Variants in CCDC15 observed in about 807,000 individuals in gnomAD.
CCDC15 encodes the protein coiled-coil domain-containing protein 15.
In CCDC15, 105 loss-of-function variants were observed where a neutral mutation model predicts 114.5. The observed-to-expected ratio is 0.92, with a 90% CI of 0.78 to 1.08. The LOEUF (loss-of-function observed/expected upper bound fraction) is 1.08. Ranked by LOEUF, CCDC15 falls within the 50% of genes least tolerant of loss-of-function variation. CCDC15 has a pLI of 0.00. For missense variants in CCDC15, 1,105 were observed against 1,093.6 expected, an observed-to-expected ratio of 1.01 and a Z score of -0.15; for synonymous variants, 334 against 377.8, an observed-to-expected ratio of 0.88 and a Z score of 1.34.
Position 125,024,003 on chromosome 11 carries a change from T to C in CCDC15, c.2412-14428T>C, listed in dbSNP as rs373522689. On this transcript the variant is annotated intron_variant, in intron 13 of 15. Coordinates refer to ENST00000344762, the MANE Select transcript of CCDC15 (RefSeq NM_025004.3). ...TGACTGCTAATAAGTATAAGGTTTC[T>C]TTATGGCATAATAAAAATGTTCTCA... Among the ~76,000 whole-genome samples the C allele has an allele frequency of 1.2e-4, 18 of 152,124 alleles. No individual in the cohort carries two copies. In the East Asian group the frequency reaches 1.7e-3, roughly 15 times the overall value.
At chr11:124,993,490 A>C (rs1046511910) in intron 11 of CCDC15, among the ~76,000 whole-genome samples, 6 of 152,158 alleles carry the variant, frequency 3.9e-5, no homozygotes, top group Non-Finnish European at 2.9e-5. Context: ...TGAAGCTTTT[A>C]CCATTGCCAC....
In CCDC15 at chr11:124,987,114, T is replaced by G; in HGVS notation, c.901-13T>G. On this transcript the variant is annotated splice_polypyrimidine_tract_variant and intron_variant, in intron 7 of 15. Transcript: ENST00000344762. ...ACTCACATTCTGTATTTGGTGTTTATGTTCACTTTTAGAAAGTAAAATTCA... is the reference window on the plus strand; with the variant it reads ...ACTCACATTCTGTATTTGGTGTTTAGGTTCACTTTTAGAAAGTAAAATTCA... 2.7e-6 allele frequency: 4 copies of G among 1,494,036 alleles called. No homozygotes were observed. The highest frequency in any genetic ancestry group is 3.6e-6 in the Non-Finnish European group (4 of 1,123,446). The allele number at this position is 1,494,036 out of a possible 1,614,324, so 92.5% of individuals were successfully genotyped here. A position where few individuals can be genotyped will look rare whatever the true frequency, so the allele number is the denominator to read the frequency against.
intron 4 of CCDC15, among the ~76,000 whole-genome samples, chr11:124,972,122 C>A (rs1947894913): frequency 6.6e-6 from 1 of 152,010 alleles, no homozygotes; most frequent in Non-Finnish European, 1.5e-5. Context: ...ATTGATTTTT[C>A]ATTTGCTAGG....
At chr11:124,960,130 T>G in intron 4 of CCDC15, 127 bp downstream of exon 4, 1 of 505,594 alleles carries the variant, frequency 2.0e-6, no homozygotes, top group Non-Finnish European at 2.9e-6. Context: ...TTGATAATCA[T>G]CCCCCTTTTT....
Position 124,986,667 on chromosome 11 carries a change from C to CTGTGTG in CCDC15, c.754-57_754-52dup, listed in dbSNP as rs146292043. ...TTCTTCCTATAATAGCTACATGGTG[C>CTGTGTG]TGTGTGTGTGTGTGTGTGTGTGTTT... On this transcript the variant is annotated intron_variant, in intron 6 of 15. Coordinates refer to ENST00000344762, the MANE Select transcript of CCDC15 (RefSeq NM_025004.3). 3.3e-5 allele frequency: 36 copies of CTGTGTG among 1,089,970 alleles called. No homozygotes were observed. The African/African-American group carries it at 4.8e-4, about 14-fold the overall frequency. 67.5% of individuals were successfully genotyped at this position (1,089,970 alleles called of 1,614,324 possible).
chr11:125,036,794 T>G (rs1386938800), intron 13 of CCDC15, among the ~76,000 whole-genome samples: 1 of 152,160 alleles, frequency 6.6e-6, no homozygotes, highest in East Asian at 1.9e-4. Context: ...TTGCAGTTTT[T>G]AACTCCAGAA....
At position 124,955,622 on chromosome 11, in the gene CCDC15, G is replaced by A. The variant is rs114128515; in HGVS notation, c.177+713G>A. 4.8e-3 allele frequency among the ~76,000 whole-genome samples: 733 copies of A among 152,292 alleles called. 7 individuals are homozygous for A. The highest frequency in any genetic ancestry group is 0.016 in the African/African-American group (671 of 41,558). On this transcript the variant is annotated intron_variant, in intron 2 of 15. Coordinates refer to ENST00000344762, the MANE Select transcript of CCDC15 (RefSeq NM_025004.3). The stretch of plus-strand genomic sequence containing the variant: ...CTGCCTAATCAATATAGACACTCAT[G>A]AAGTATTTATGAAAGGCACAAAATG...
chr11:124,967,475 C>T (rs572277345), intron 4 of CCDC15, among the ~76,000 whole-genome samples: 1 of 152,310 alleles, frequency 6.6e-6, no homozygotes, highest in South Asian at 2.1e-4. Flanking sequence ...TGGTTTTCAG[C>T]TCCATCAGGT....
intron 13 of CCDC15, among the ~76,000 whole-genome samples, chr11:125,005,559 T>G (rs1948545782): frequency 6.6e-6 from 1 of 152,112 alleles, no homozygotes; most frequent in African/African-American, 2.4e-5. Flanking sequence ...ATTGACACAT[T>G]ATTATTACCC....
intron 2 of CCDC15, among the ~76,000 whole-genome samples, chr11:124,956,791 G>C (rs575876384): frequency 9.9e-5 from 15 of 152,158 alleles, no homozygotes; most frequent in Non-Finnish European, 1.9e-4. Flanking sequence ...TATAGCTTTA[G>C]CATATCTAGT....
In CCDC15 at chr11:124,987,214, C is replaced by T. The variant is rs1591591341; in HGVS notation, c.988C>T (p.Pro330Ser). Reference sequence around the variant, plus strand: ...TTTTGAGGGCCTTCAGGATATTCTGCCAGAAGCCCAGGATTATTTTCTAGA... The same window carrying T: ...TTTTGAGGGCCTTCAGGATATTCTGTCAGAAGCCCAGGATTATTTTCTAGA... ...LHFEGLQDIL[P>S]EAQDYFLEAQ... Residue 330 changes from proline (P) to serine (S), a missense_variant, in exon 8 of 16, where the codon CCA becomes TCA. Pro to Ser is a moderately conservative substitution (Grantham distance 74). Coordinates refer to ENST00000344762, the MANE Select transcript of CCDC15 (RefSeq NM_025004.3). The T allele has an allele frequency of 6.5e-7, 1 of 1,539,690 alleles. No homozygotes were observed. Among genetic ancestry groups the T allele is most frequent in the Non-Finnish European group, 8.7e-7 (1 of 1,149,962 alleles).
At position 124,981,161 on chromosome 11, in the gene CCDC15, T is replaced by C. The variant is rs1948066276; in HGVS notation, c.753+3561T>C. Among the ~76,000 whole-genome samples the C allele has an allele frequency of 3.3e-5, 5 of 152,202 alleles. No homozygotes were observed. In the South Asian group the frequency reaches 1.0e-3, roughly 32 times the overall value. ...TGATTTTTGTTTTTTTGTGTTTTTTTGAATTTGCTGAGGATTGTTTTATGG... is the reference window on the plus strand; with the variant it reads ...TGATTTTTGTTTTTTTGTGTTTTTTCGAATTTGCTGAGGATTGTTTTATGG... On this transcript the variant is annotated intron_variant, in intron 6 of 15. Coordinates refer to ENST00000344762, the MANE Select transcript of CCDC15 (RefSeq NM_025004.3).
chr11:124,999,016 C>T (rs912017445), intron 11 of CCDC15, among the ~76,000 whole-genome samples: 1 of 152,026 alleles, frequency 6.6e-6, no homozygotes, highest in East Asian at 1.9e-4. Flanking sequence ...GGATTACAGG[C>T]GTGAACCACT....
intron 4 of CCDC15, among the ~76,000 whole-genome samples, chr11:124,968,497 C>G (rs1163149667): frequency 6.6e-6 from 1 of 152,168 alleles, no homozygotes. Context: ...GTGCCATTTG[C>G]TAAGACTGTT....
chr11:125,038,866 A>C, intron 14 of CCDC15, 55 bp from the exon 15 acceptor site: 2 of 1,552,538 alleles, frequency 1.3e-6, no homozygotes, highest in Admixed American at 1.8e-5. Flanking sequence ...ATCAGGATTC[A>C]TACTCACTTT....
chr11:124,961,677 C>T (rs1947659739), intron 4 of CCDC15, among the ~76,000 whole-genome samples: 1 of 152,060 alleles, frequency 6.6e-6, no homozygotes, highest in Admixed American at 6.6e-5. Flanking sequence ...AGGTGCCTGC[C>T]ACCATGACTG....
At position 125,005,189 on chromosome 11, in the gene CCDC15, A is replaced by C; in HGVS notation, c.2388A>C (p.Lys796Asn). 1 of 1,531,638 alleles carries C rather than the reference A, an allele frequency of 6.5e-7. No homozygotes were observed. The highest frequency in any genetic ancestry group is 1.2e-5 in the South Asian group (1 of 83,722). The allele number at this position is 1,531,638 out of a possible 1,614,324, so 94.9% of individuals were successfully genotyped here. The part of the protein sequence containing the change: ...REQVKEQQRQ[K>N]EQKKKIEKIK... ...AAGTTAAAGAACAACAAAGGCAAAA[A>C]GAACAAAAGAAGAAAATTGAAAAGT... is the stretch of plus-strand genomic sequence containing the variant. Residue 796 changes from lysine (K) to asparagine (N), a missense_variant, in exon 13 of 16, where the codon AAA (lysine) becomes AAC (asparagine). Lys to Asn is a moderately conservative substitution (Grantham distance 94). Coordinates refer to ENST00000344762, the MANE Select transcript of CCDC15 (RefSeq NM_025004.3).
intron 13 of CCDC15, among the ~76,000 whole-genome samples, chr11:125,027,751 A>AT (rs886269927): frequency 3.7e-4 from 53 of 144,002 alleles, no homozygotes; most frequent in Middle Eastern, 3.7e-3. Flanking sequence ...GGTACCATTT[A>AT]TTTTTTTTTT....
chr11:125,039,266 G>T (rs1287040923), intron 15 of CCDC15, 197 bp downstream of exon 15: 4 of 446,952 alleles, frequency 8.9e-6, no homozygotes, highest in Non-Finnish European at 1.5e-5. Flanking sequence ...TTATCTTCTT[G>T]TCTCCATTTA....
Sources: gnomAD v4.1 joint callset for allele counts (sites outside exome capture counted in the v4.1 genomes callset) on GRCh38, gnomAD v4.1.1 for gene constraint, MANE v1.5 for transcripts, NCBI Gene and HGNC (gene_info 2026-07-23, HGNC 2026-07-21) for gene names.